The following TRIM44 variants were observed in gnomAD, a reference collection of about 807,000 sequenced individuals.
TRIM44 encodes the protein tripartite motif-containing protein 44.
In TRIM44, 13 loss-of-function variants were observed where a neutral mutation model predicts 37.4. The ratio of observed to expected loss-of-function variants is 0.35; its 90% CI spans 0.23 to 0.55. The LOEUF (loss-of-function observed/expected upper bound fraction) is 0.55, where lower values mean the gene tolerates loss of function less well. Among genes scored for constraint, TRIM44 ranks in the 20% least tolerant of loss-of-function variants. TRIM44 has a pLI of 0.89. For synonymous variants in TRIM44, 175 were observed against 157.2 expected (o/e 1.11, Z -0.85); for missense variants, 426 against 437.2 (o/e 0.97, Z 0.23).
In TRIM44 at chr11:35,770,401, T is replaced by C. The variant is rs564437568; in HGVS notation, c.1007+34956T>C. ...GTAACTTTTTGGTAGAATGATTTAT[T>C]TTGTATTGGATATATACCCAGTAAT... On this transcript the variant is annotated intron_variant, in intron 4 of 4. Coordinates refer to ENST00000299413, the MANE Select transcript of TRIM44 (RefSeq NM_017583.6). 1.8e-3 allele frequency among the ~76,000 whole-genome samples: 281 copies of C among 152,296 alleles called. 2 individuals are homozygous for C. The highest frequency in any genetic ancestry group is 6.5e-3 in the African/African-American group (270 of 41,556).
At chr11:35,799,533 T>C (rs1853338551) in intron 4 of TRIM44, among the ~76,000 whole-genome samples, 1 of 152,200 alleles carries the variant, frequency 6.6e-6, no homozygotes, top group Non-Finnish European at 1.5e-5. Context: ...AATATCCCAT[T>C]TTTTCAGGTG....
At chr11:35,709,099 GT>G (rs1431752953) in intron 2 of TRIM44, among the ~76,000 whole-genome samples, 1 of 152,018 alleles carries the variant, frequency 6.6e-6, no homozygotes, top group Non-Finnish European at 1.5e-5. Context: ...TGGTGCTGCA[GT>G]TTATTTCCTT....
In TRIM44 at chr11:35,663,409, G is replaced by A; in HGVS notation, c.298G>A (p.Glu100Lys). The A allele has an allele frequency of 1.3e-6, 2 of 1,588,102 alleles. No individual in the cohort carries two copies. The highest frequency in any genetic ancestry group is 2.3e-5 in the East Asian group (1 of 43,580). The part of the protein sequence containing the change: ...EIESEAGEES[E>K]SEEESESEEE... Reference sequence around the variant, plus strand: ...AGAAAGCGAGGCAGGGGAAGAGAGTGAGTCGGAGGAAGAGAGCGAGTCAGA... The same window carrying A: ...AGAAAGCGAGGCAGGGGAAGAGAGTAAGTCGGAGGAAGAGAGCGAGTCAGA... The change falls in exon 1 of 5, where the codon GAG becomes AAG. Residue 100 changes from glutamate (E) to lysine (K), a missense_variant. Physicochemically the swap from Glu to Lys is moderately conservative, Grantham distance 56. Coordinates refer to ENST00000299413, the MANE Select transcript of TRIM44 (RefSeq NM_017583.6).
At chr11:35,802,189 T>G (rs1241170105) in intron 4 of TRIM44, among the ~76,000 whole-genome samples, 1 of 152,156 alleles carries the variant, frequency 6.6e-6, no homozygotes, top group Non-Finnish European at 1.5e-5. Context: ...AAATAAACAT[T>G]AGCACACACC....
intron 3 of TRIM44, among the ~76,000 whole-genome samples, chr11:35,730,868 T>G (rs76706900): frequency 4.6e-5 from 7 of 151,000 alleles, no homozygotes; most frequent in Non-Finnish European, 1.0e-4. Context: ...TTTTTTTTTT[T>G]TGAGACGGAG....
chr11:35,758,556 T>G (rs1220557050), intron 4 of TRIM44, among the ~76,000 whole-genome samples: 1 of 152,206 alleles, frequency 6.6e-6, no homozygotes, highest in Non-Finnish European at 1.5e-5. Context: ...TGTTAGCTGG[T>G]TATTTTGCTC....
At chr11:35,729,161 TACAC>T (rs2135517644) in intron 3 of TRIM44, among the ~76,000 whole-genome samples, 1 of 151,592 alleles carries the variant, frequency 6.6e-6, no homozygotes, top group South Asian at 2.1e-4. Context: ...GAAACACTAA[TACAC>T]ACAGACAAAA....
rs1039476274 is a variant in TRIM44, at chr11:35,792,753, A to G, written c.1008-13605A>G. On this transcript the variant is annotated intron_variant, in intron 4 of 4. Transcript: ENST00000299413. ...AGTGACAAAGACTGACTTTTACAACATAACGGTGCTGAGGTGCACTGAAGC... is the reference window on the plus strand; with the variant it reads ...AGTGACAAAGACTGACTTTTACAACGTAACGGTGCTGAGGTGCACTGAAGC... Among the ~76,000 whole-genome samples the G allele has an allele frequency of 5.3e-5, 8 of 152,192 alleles. 1 individual carries two copies. The highest frequency in any genetic ancestry group is 4.6e-4 in the Admixed American group (7 of 15,278).
At chr11:35,768,746 C>G (rs11821746) in intron 4 of TRIM44, among the ~76,000 whole-genome samples, 1 of 152,164 alleles carries the variant, frequency 6.6e-6, no homozygotes, top group Non-Finnish European at 1.5e-5. Flanking sequence ...ACTAATTAAA[C>G]ACTCAAAAAT....
At chr11:35,735,615 A>G (rs1359308683) in intron 4 of TRIM44, among the ~76,000 whole-genome samples, 170 bp downstream of exon 4, 1 of 152,142 alleles carries the variant, frequency 6.6e-6, no homozygotes, top group Admixed American at 6.6e-5. Context: ...TCTCCCTCTC[A>G]TCTATGTCAT....
chr11:35,720,571 A>G (rs1030257831), intron 2 of TRIM44, among the ~76,000 whole-genome samples: 30 of 152,206 alleles, frequency 2.0e-4, no homozygotes, highest in African/African-American at 6.7e-4. Context: ...TTTTCAGTAC[A>G]GTGTTGAAAA....
intron 4 of TRIM44, among the ~76,000 whole-genome samples, chr11:35,779,078 C>T (rs1321812798): frequency 1.3e-5 from 2 of 152,224 alleles, no homozygotes; most frequent in African/African-American, 4.8e-5. Context: ...CCTCCTTGAG[C>T]TGCAGTGGGC....
intron 2 of TRIM44, among the ~76,000 whole-genome samples, chr11:35,723,856 C>T (rs1852137362): frequency 6.6e-6 from 1 of 152,136 alleles, no homozygotes; most frequent in Non-Finnish European, 1.5e-5. Flanking sequence ...AGAGAAGGAC[C>T]TAGTCATTTG....
chr11:35,734,548 A>T (rs2057744143), intron 3 of TRIM44, among the ~76,000 whole-genome samples: 1 of 152,156 alleles, frequency 6.6e-6, no homozygotes, highest in Non-Finnish European at 1.5e-5. Context: ...TACATTCTCT[A>T]TTGAGACTAC....
intron 2 of TRIM44, among the ~76,000 whole-genome samples, chr11:35,704,999 G>A (rs1364708239): frequency 1.3e-5 from 2 of 148,362 alleles, no homozygotes; most frequent in East Asian, 2.0e-4. Context: ...CCATCAGTGT[G>A]CTGTATTCAG....
At chr11:35,730,195 A>G (rs539824860) in intron 3 of TRIM44, among the ~76,000 whole-genome samples, 2 of 152,330 alleles carry the variant, frequency 1.3e-5, no homozygotes, top group South Asian at 4.1e-4. Flanking sequence ...TTTAGAACTG[A>G]AAAATACAGT....
intron 4 of TRIM44, among the ~76,000 whole-genome samples, chr11:35,773,740 C>T (rs985122660): frequency 6.4e-4 from 97 of 152,060 alleles, no homozygotes; most frequent in Admixed American, 1.4e-3. Flanking sequence ...TCTGTCCTTG[C>T]GATAGTTTGC....
chr11:35,801,288 C>A lies in TRIM44; in HGVS notation c.1008-5070C>A, dbSNP rs182046624. Reference sequence around the variant, plus strand: ...ATATTAAATCTATCTTTTTGAATTTCAGCTGACTCTAGCCTTCGTTCCTTG... The same window carrying A: ...ATATTAAATCTATCTTTTTGAATTTAAGCTGACTCTAGCCTTCGTTCCTTG... On this transcript the variant is annotated intron_variant, in intron 4 of 4. Coordinates refer to ENST00000299413, the MANE Select transcript of TRIM44 (RefSeq NM_017583.6). Among the ~76,000 whole-genome samples the A allele has an allele frequency of 1.3e-3, 197 of 152,324 alleles. No individual in the cohort carries two copies. The Middle Eastern group carries it at 0.017, about 13-fold the overall frequency.
chr11:35,675,934 A>C (rs1387857163), intron 1 of TRIM44, among the ~76,000 whole-genome samples: 1 of 152,128 alleles, frequency 6.6e-6, no homozygotes, highest in Admixed American at 6.5e-5. Context: ...GGAGACTGGG[A>C]AACAGTCATT....
Sources: allele counts gnomAD v4.1 joint callset (sites outside exome capture counted in the v4.1 genomes callset), GRCh38; gene constraint gnomAD v4.1.1; transcripts MANE v1.5; gene names NCBI Gene and HGNC (gene_info 2026-07-23, HGNC 2026-07-21).